The following TECTA variants were observed in gnomAD, a reference collection of about 807,000 sequenced individuals.
TECTA encodes alpha-tectorin.
Under a neutral mutation model 216.8 loss-of-function variants are expected in TECTA, and 128 were observed. The ratio of observed to expected loss-of-function variants is 0.59; its 90% confidence interval spans 0.51 to 0.68. TECTA has a LOEUF of 0.68. TECTA is among the 30% of genes least tolerant of loss of function. The pLI, the probability that TECTA is intolerant of heterozygous loss-of-function variation, is 0.00. For missense variants in TECTA, 2,551 were observed against 2,786.2 expected (o/e 0.92, Z 1.90); for synonymous variants, 1,089 against 1,117.1 (o/e 0.97, Z 0.50).
At chr11:121,136,221 A>G (rs143909014) in intron 10 of TECTA, among the ~76,000 whole-genome samples, 100 of 152,248 alleles carry the variant, frequency 6.6e-4, no homozygotes, top group African/African-American at 2.4e-3. Context: ...TCAGCCTCCC[A>G]AAGTGCTGGG....
In TECTA at chr11:121,129,906, C is replaced by A. The variant is rs1565523913; in HGVS notation, c.2636C>A (p.Thr879Lys). The change falls in exon 10 of 24, where the codon ACA becomes AAA. Residue 879 changes from threonine (T) to lysine (K), a missense_variant. Physicochemically the swap from Thr to Lys is moderately conservative, Grantham distance 78. Transcript: ENST00000392793. ...CTGGCAGTGTTCCTGGAAAGCTGGA[C>A]AACTTTCGAGGAGATCTGCAATGGA... The part of the protein sequence containing the change: ...DNLAVFLESW[T>K]TFEEICNGEC... The A allele has an allele frequency of 6.2e-7, 1 of 1,613,812 alleles. No individual in the cohort carries two copies. Among genetic ancestry groups the A allele is most frequent in the Non-Finnish European group, 8.5e-7 (1 of 1,179,874 alleles).
At chr11:121,168,975 T>C (rs756365109) in intron 20 of TECTA, 50 bp downstream of exon 20, 1 of 1,613,426 alleles carries the variant, frequency 6.2e-7, no homozygotes, top group Non-Finnish European at 8.5e-7. Context: ...GGTATAATAT[T>C]GTCCTCATCA....
intron 20 of TECTA, among the ~76,000 whole-genome samples, chr11:121,187,063 G>A (rs1334939467): frequency 6.6e-6 from 1 of 152,174 alleles, no homozygotes. Context: ...GCATGACTAG[G>A]GGACATTTAT....
chr11:121,158,136 G>A lies in TECTA; in HGVS notation c.4601G>A (p.Trp1534Ter), dbSNP rs768993431. The change falls in exon 14 of 24, where the codon TGG becomes TAG. Residue 1534 changes from tryptophan (W) to a stop codon, truncating the protein, a stop_gained. Transcript: ENST00000392793. LOFTEE classifies it high-confidence loss of function. The stretch of plus-strand genomic sequence containing the variant: ...CAGCTTATCATCAACTTCGACAAGT[G>A]GTCGGCCCCCAACCTCACCATCATT... The part of the protein sequence containing the change: ...SFQLIINFDK[W>*]SAPNLTIISP... 8.7e-6 allele frequency: 14 copies of A among 1,614,086 alleles called. No homozygotes were observed. Among genetic ancestry groups the A allele is most frequent in the Non-Finnish European group, 1.2e-5 (14 of 1,180,054 alleles).
chr11:121,137,789 G>A lies in TECTA; in HGVS notation c.3310G>A (p.Gly1104Ser). 2 of 1,614,070 alleles carry A rather than the reference G, an allele frequency of 1.2e-6. No individual in the cohort carries two copies. Among genetic ancestry groups the A allele is most frequent in the Non-Finnish European group, 1.7e-6 (2 of 1,179,936 alleles). ...ARTDASCIVSGYGHYLTFDGF... is the reference protein window; with the variant it reads ...ARTDASCIVSSYGHYLTFDGF... Reference sequence around the variant, plus strand: ...CACCGACGCCTCCTGCATCGTCTCAGGCTACGGCCACTACCTCACCTTTGA... The same window carrying A: ...CACCGACGCCTCCTGCATCGTCTCAAGCTACGGCCACTACCTCACCTTTGA... The change falls in exon 11 of 24, where the codon GGC becomes AGC. Residue 1104 changes from glycine (G) to serine (S), a missense_variant. Transcript: ENST00000392793.
At chr11:121,119,048 A>G (rs1039325939) in intron 7 of TECTA, among the ~76,000 whole-genome samples, 4 of 148,106 alleles carry the variant, frequency 2.7e-5, no homozygotes, top group African/African-American at 1.0e-4. Flanking sequence ...CAGTTCAGAA[A>G]AACTGGAAAG....
rs1292809245 is a variant in TECTA, at chr11:121,101,452, AT to A, written c.-2+15del. ...AGCCTCTACAGAACAGGTTAGTGACATTTTTCATAAATACAAATATCTAAAT... is the reference window on the plus strand; with the variant it reads ...AGCCTCTACAGAACAGGTTAGTGACATTTTCATAAATACAAATATCTAAAT... On this transcript the variant is annotated intron_variant, in intron 1 of 23. Transcript: ENST00000392793. 1 of 152,136 alleles carries A rather than the reference AT, an allele frequency of 6.6e-6. No individual in the cohort carries two copies. Among genetic ancestry groups the A allele is most frequent in the Non-Finnish European group, 1.5e-5 (1 of 68,018 alleles). The allele number at this position is 152,136 out of a possible 1,614,324, so 9.4% of individuals were successfully genotyped here.
chr11:121,128,577 A>C (rs1946640668), intron 9 of TECTA, among the ~76,000 whole-genome samples: 1 of 152,226 alleles, frequency 6.6e-6, no homozygotes, highest in East Asian at 1.9e-4. Flanking sequence ...AGCTCTCCGG[A>C]ATAGCAAATA....
At chr11:121,107,889 T>A (rs1946405244) in intron 3 of TECTA, among the ~76,000 whole-genome samples, 1 of 152,226 alleles carries the variant, frequency 6.6e-6, no homozygotes, top group Non-Finnish European at 1.5e-5. Flanking sequence ...CATGCCTCCA[T>A]TTTTATGCAG....
At chr11:121,135,979 G>T (rs897924493) in intron 10 of TECTA, among the ~76,000 whole-genome samples, 1 of 149,510 alleles carries the variant, frequency 6.7e-6, no homozygotes. Context: ...TTTTTCTCCA[G>T]ACGGAGTCTC....
At position 121,188,383 on chromosome 11, in the gene TECTA, C is replaced by T. The variant is rs149994575; in HGVS notation, c.6162+389C>T. 1.0e-3 allele frequency among the ~76,000 whole-genome samples: 155 copies of T among 152,300 alleles called. 1 individual carries two copies. Among genetic ancestry groups the T allele is most frequent in the Middle Eastern group, 6.8e-3 (2 of 294 alleles). ...CACCCAAAATGTCTCCAGATGTTGCCAGTTGGCCTGGTTGAGAACCACTGC... is the reference window on the plus strand; with the variant it reads ...CACCCAAAATGTCTCCAGATGTTGCTAGTTGGCCTGGTTGAGAACCACTGC... On this transcript the variant is annotated intron_variant, in intron 21 of 23. Transcript: ENST00000392793.
chr11:121,176,752 T>A (rs1269997053), intron 20 of TECTA, among the ~76,000 whole-genome samples: 4 of 151,868 alleles, frequency 2.6e-5, no homozygotes, highest in Admixed American at 2.6e-4. Context: ...TTCTCCTGGA[T>A]AATATCCTGC....
intron 12 of TECTA, among the ~76,000 whole-genome samples, chr11:121,150,596 G>T (rs1946880060): frequency 6.7e-6 from 1 of 149,418 alleles, no homozygotes; most frequent in Admixed American, 6.7e-5. Flanking sequence ...AAAGGCAAAT[G>T]ATAAATATTT....
At position 121,113,252 on chromosome 11, in the gene TECTA, G is replaced by T; in HGVS notation, c.624+43G>T. On this transcript the variant is annotated intron_variant, in intron 5 of 23. Coordinates refer to ENST00000392793, the MANE Select transcript of TECTA (RefSeq NM_005422.4). This position sits in a 1 kb window ranked among gnomAD's most constrained non-coding sequence, Gnocchi z 4.2. Reference sequence around the variant, plus strand: ...TCATCCCCCGCGTGTTTCCGTCGCTGCACTCTCTGCTTCTGTGGCTCAGCA... The same window carrying T: ...TCATCCCCCGCGTGTTTCCGTCGCTTCACTCTCTGCTTCTGTGGCTCAGCA... 6.2e-7 allele frequency: 1 copy of T among 1,612,852 alleles called. No homozygotes were observed. The highest frequency in any genetic ancestry group is 8.5e-7 in the Non-Finnish European group (1 of 1,179,934).
intron 10 of TECTA, among the ~76,000 whole-genome samples, chr11:121,131,213 C>CAAAAAAAAAAAAAAAAAAAA: frequency 1.4e-5 from 1 of 70,832 alleles, no homozygotes; most frequent in Non-Finnish European, 2.5e-5. Flanking sequence ...GACTCCATCT[C>CAAAAAAAAAAAAAAAAAAAA]AAAAAAAAAA....
rs1482680504 is a variant in TECTA at position 121,153,078 on chromosome 11, G to C, written c.4303G>C (p.Glu1435Gln). 6.2e-7 allele frequency: 1 copy of C among 1,612,866 alleles called. No homozygotes were observed. The change falls in exon 13 of 24, where the codon GAG becomes CAG. Residue 1435 changes from glutamate to glutamine, a missense_variant and splice_region_variant. Around this residue, in one of 3 missense-constraint regions of TECTA, gnomAD observed 2,375 missense variants for 2,563.9 expected, o/e 0.93. Transcript: ENST00000392793. ...CGCYSDGKYY[E>Q]PKQLFWNSDC... ...CTGCTACTCCGATGGCAAATATTAC[G>C]AGGTATGGGAGGCCAGCCCGGCCTT...
chr11:121,113,492 G>A lies in TECTA; in HGVS notation c.625-61G>A, dbSNP rs1431932444. 5 of 1,605,536 alleles carry A rather than the reference G, an allele frequency of 3.1e-6. No homozygotes were observed. The African/African-American group carries it at 5.4e-5, about 17-fold the overall frequency. ...CTGGATTTTAAAAATAAGGTAGTTG[G>A]GCCAGTTAACCCATGGGGAATTTTT... On this transcript the variant is annotated intron_variant, in intron 5 of 23. Transcript: ENST00000392793. This position sits in a 1 kb window ranked among gnomAD's most constrained non-coding sequence, Gnocchi z 4.2.
At chr11:121,189,638 T>C (rs893925552) in intron 22 of TECTA, 126 bp from the exon 23 acceptor site, 3 of 867,920 alleles carry the variant, frequency 3.5e-6, no homozygotes, top group African/African-American at 1.7e-5. Context: ...CCTCCCAAAG[T>C]GCTGGGATTA....
rs749429667 is a variant in TECTA at position 121,162,253 on chromosome 11, C to T, written c.5155C>T (p.Leu1719=). 1.2e-6 allele frequency: 2 copies of T among 1,614,004 alleles called. No homozygotes were observed. The highest frequency in any genetic ancestry group is 3.3e-5 in the Admixed American group (2 of 60,016). Residue 1719 remains leucine (L), a synonymous_variant, in exon 16 of 24, where the codon CTG becomes TTG. Transcript: ENST00000392793. The part of the protein sequence containing the change: ...DPLPFYESCY[L]DGCYSHKKFQ... ...CCTCCCATTCTACGAGTCCTGCTAC[C>T]TGGACGGCTGCTACAGCCACAAGAA...
Sources: gnomAD v4.1 joint callset for allele counts (sites outside exome capture counted in the v4.1 genomes callset) on GRCh38, gnomAD v4.1.1 for gene constraint, gnomAD v4.1.1 regional missense constraint, Gnocchi (gnomAD v3.1) non-coding constraint, MANE v1.5 for transcripts, NCBI Gene and HGNC (gene_info 2026-07-23, HGNC 2026-07-21) for gene names.